KLRG1: variants seen among roughly 807,000 people sequenced by gnomAD.
KLRG1 encodes the protein killer cell lectin-like receptor subfamily G member 1.
A neutral mutation model predicts 21.8 loss-of-function variants in KLRG1; 16 were observed. The ratio of observed to expected loss-of-function variants is 0.73; its 90% confidence interval spans 0.50 to 1.11. The LOEUF is 1.11. Ranked by LOEUF, KLRG1 falls within the 50% of genes most tolerant of loss-of-function variation. The pLI, the probability that KLRG1 is intolerant of heterozygous loss-of-function variation, is 0.00. For synonymous variants in KLRG1, 69 were observed against 75.9 expected (o/e 0.91, Z 0.47); for missense variants, 173 against 218.3 (o/e 0.79, Z 1.31).
the KLRG1 span, among the ~76,000 whole-genome samples, chr12:9,175,873 G>C: frequency 6.6e-6 from 1 of 152,196 alleles, no homozygotes; most frequent in Non-Finnish European, 1.5e-5. Context: ...GTGTAAATTA[G>C]TTCAACCACT....
At chr12:8,992,369 CAT>C in intron 2 of KLRG1, 59 bp downstream of exon 2, 2 of 1,219,384 alleles carry the variant, frequency 1.6e-6, no homozygotes, top group African/African-American at 1.5e-5. Flanking sequence ...AGCAATATAA[CAT>C]AGCAGAAGCT....
chr12:9,131,705 C>T, the KLRG1 span, among the ~76,000 whole-genome samples: 1 of 151,838 alleles, frequency 6.6e-6, no homozygotes, highest in East Asian at 1.9e-4. Flanking sequence ...AGGGTACATA[C>T]TATATATACG....
chr12:9,151,305 A>C, the KLRG1 span, among the ~76,000 whole-genome samples: 2 of 152,188 alleles, frequency 1.3e-5, no homozygotes, highest in African/African-American at 4.8e-5. Context: ...ATTTATTCAT[A>C]TCGTCAGGGA....
At chr12:9,047,936 C>G in the KLRG1 span, among the ~76,000 whole-genome samples, 1 of 152,112 alleles carries the variant, frequency 6.6e-6, no homozygotes, top group Non-Finnish European at 1.5e-5. Context: ...GACTTCAATA[C>G]CCATTTATCA....
At chr12:9,141,072 A>G in the KLRG1 span, among the ~76,000 whole-genome samples, 1 of 152,240 alleles carries the variant, frequency 6.6e-6, no homozygotes, top group African/African-American at 2.4e-5. Context: ...TATGGATGAC[A>G]AAAAGTTTTA....
the KLRG1 span, among the ~76,000 whole-genome samples, chr12:9,205,748 C>T: frequency 6.6e-6 from 1 of 152,106 alleles, no homozygotes; most frequent in Non-Finnish European, 1.5e-5. Context: ...TAAACTCTTA[C>T]TTTTTAAATT....
the KLRG1 span, among the ~76,000 whole-genome samples, chr12:9,206,341 A>T: frequency 2.1e-4 from 32 of 152,002 alleles, no homozygotes; most frequent in Non-Finnish European, 1.6e-4. Flanking sequence ...CATATATTTG[A>T]TATTCTAAAG....
At chr12:9,117,019 A>T in the KLRG1 span, among the ~76,000 whole-genome samples, 12 of 152,224 alleles carry the variant, frequency 7.9e-5, no homozygotes, top group African/African-American at 2.2e-4. Context: ...TTTTAAAAAA[A>T]TTTTGAGGGA....
the KLRG1 span, among the ~76,000 whole-genome samples, chr12:9,212,942 T>TA: frequency 1.3e-5 from 2 of 152,202 alleles, no homozygotes; most frequent in Non-Finnish European, 2.9e-5. Flanking sequence ...TACATGTTAG[T>TA]AGTCACTTCC....
the KLRG1 span, among the ~76,000 whole-genome samples, chr12:9,033,638 A>G: frequency 6.6e-6 from 1 of 152,190 alleles, no homozygotes; most frequent in African/African-American, 2.4e-5. Flanking sequence ...AAGTGTTTGG[A>G]AGAACCTGAC....
the KLRG1 span, chr12:9,152,098 T>G: frequency 1.3e-6 from 1 of 777,900 alleles, no homozygotes; most frequent in Non-Finnish European, 2.2e-6. Context: ...CTTCCTGGGT[T>G]TGGGAAAAAT....
the KLRG1 span, among the ~76,000 whole-genome samples, chr12:9,197,660 AATT>A: frequency 1.9e-5 from 2 of 107,408 alleles, no homozygotes; most frequent in Non-Finnish European, 3.4e-5. Context: ...TATAATATAA[AATT>A]ATTATATATA....
the KLRG1 span, among the ~76,000 whole-genome samples, chr12:9,056,531 C>T: frequency 3.3e-5 from 5 of 151,894 alleles, no homozygotes; most frequent in African/African-American, 4.8e-5. Flanking sequence ...ATAATACCCA[C>T]GATTTATATT....
chr12:9,022,334 C>T, the KLRG1 span, among the ~76,000 whole-genome samples: 1 of 152,098 alleles, frequency 6.6e-6, no homozygotes, highest in Non-Finnish European at 1.5e-5. Context: ...CATGGAATCA[C>T]GAGGCAATAG....
the KLRG1 span, chr12:9,159,976 G>A: frequency 6.2e-7 from 1 of 1,613,950 alleles, no homozygotes; most frequent in Non-Finnish European, 8.5e-7. Flanking sequence ...GTTCCCCAAA[G>A]GTGCTGTAGG....
chr12:9,003,853 C>T (rs1282171981), intron 3 of KLRG1, among the ~76,000 whole-genome samples: 44 of 152,012 alleles, frequency 2.9e-4, no homozygotes, highest in Admixed American at 2.9e-3. Flanking sequence ...TCCCTCCCCC[C>T]TTCCCCCACC....
At chr12:8,999,420 A>G (rs1245661631) in intron 3 of KLRG1, among the ~76,000 whole-genome samples, 6 of 152,192 alleles carry the variant, frequency 3.9e-5, no homozygotes, top group Non-Finnish European at 7.3e-5. Flanking sequence ...TATATGATCC[A>G]ACTTTACTCT....
the KLRG1 span, among the ~76,000 whole-genome samples, chr12:9,105,824 C>T: frequency 6.6e-6 from 1 of 151,982 alleles, no homozygotes; most frequent in Non-Finnish European, 1.5e-5. Flanking sequence ...AACCACCTAC[C>T]CACCTGTTTC....
At chr12:9,006,841 C>T (rs1273302712) in intron 3 of KLRG1, among the ~76,000 whole-genome samples, 1 of 152,174 alleles carries the variant, frequency 6.6e-6, no homozygotes, top group Non-Finnish European at 1.5e-5. Context: ...TGCTTATCTT[C>T]AGATAGGAGG....
Sources: gnomAD v4.1 joint callset for allele counts (sites outside exome capture counted in the v4.1 genomes callset) on GRCh38, gnomAD v4.1.1 for gene constraint, MANE v1.5 for transcripts, NCBI Gene and HGNC (gene_info 2026-07-23, HGNC 2026-07-21) for gene names.